FLRT1: variants seen among roughly 807,000 people sequenced by gnomAD.
The protein encoded by FLRT1 is fibronectin leucine rich transmembrane protein 1.
In FLRT1, 14 loss-of-function variants were observed where a neutral mutation model predicts 30.9. That is an observed-to-expected ratio of 0.45 (90% CI 0.30 to 0.71). The LOEUF (loss-of-function observed/expected upper bound fraction) is 0.71, where lower values mean the gene tolerates loss of function less well. Among genes scored for constraint, FLRT1 ranks in the 30% least tolerant of loss-of-function variants. The pLI is 0.08. For missense variants in FLRT1, 737 were observed against 949.2 expected (o/e 0.78, Z 2.94); for synonymous variants, 368 against 430.4 (o/e 0.85, Z 1.80).
At position 64,117,371 on chromosome 11, in the gene FLRT1, C is replaced by G. The variant is rs1565242146; in HGVS notation, c.1104C>G (p.Ile368Met). The change falls in exon 3 of 3, where the codon ATC (isoleucine) becomes ATG (methionine). Residue 368 changes from isoleucine (I) to methionine (M), a missense_variant. By Grantham distance (10) the Ile-to-Met change is conservative (BLOSUM62 1). Coordinates refer to ENST00000682287, the MANE Select transcript of FLRT1 (RefSeq NM_013280.5). The part of the protein sequence containing the change: ...QGPEKVRGMA[I>M]KDITSEMDEC... ...CTGAGAAGGTCCGGGGCATGGCCAT[C>G]AAGGACATTACCAGCGAGATGGACG... The G allele has an allele frequency of 3.1e-6, 5 of 1,613,232 alleles. No individual in the cohort carries two copies. The highest frequency in any genetic ancestry group is 4.2e-6 in the Non-Finnish European group (5 of 1,179,322).
chr11:64,109,066 C>T (rs1944814637), intron 2 of FLRT1, among the ~76,000 whole-genome samples: 1 of 152,170 alleles, frequency 6.6e-6, no homozygotes, highest in African/African-American at 2.4e-5. Context: ...ACTTCCTCTC[C>T]CCGCCTGGCC....
At chr11:64,071,680 T>G (rs1944110161) in intron 1 of FLRT1, among the ~76,000 whole-genome samples, 4 of 152,144 alleles carry the variant, frequency 2.6e-5, no homozygotes, top group Admixed American at 1.3e-4. Flanking sequence ...GCCCCCCAGC[T>G]TGGTGGTTAT....
chr11:64,108,204 G>A (rs1001275819), intron 2 of FLRT1, among the ~76,000 whole-genome samples: 5 of 151,882 alleles, frequency 3.3e-5, no homozygotes, highest in East Asian at 3.9e-4. Flanking sequence ...TCACAGCTAC[G>A]CGGGAGGCTG....
At chr11:64,062,400 G>A (rs1302248913) in intron 1 of FLRT1, among the ~76,000 whole-genome samples, 2 of 152,160 alleles carry the variant, frequency 1.3e-5, no homozygotes, top group African/African-American at 4.8e-5. Flanking sequence ...TCTTATGTCT[G>A]CCTAGCCCTC....
In FLRT1 at chr11:64,040,359, G is replaced by A. The variant is rs368902375; in HGVS notation, c.-1038+4200G>A. On this transcript the variant is annotated intron_variant, in intron 1 of 2. Transcript: ENST00000682287. ...CAGGGACAGAAACAAGGGCCTGGAG[G>A]ACAGGATGGATGGAGAGGGCTGCAT... Among the ~76,000 whole-genome samples the A allele has an allele frequency of 2.0e-5, 3 of 152,174 alleles. No individual in the cohort carries two copies. The East Asian group carries it at 5.8e-4, about 29-fold the overall frequency.
chr11:64,066,460 T>A (rs1033448536), intron 1 of FLRT1, among the ~76,000 whole-genome samples: 1 of 149,972 alleles, frequency 6.7e-6, no homozygotes, highest in East Asian at 2.0e-4. Flanking sequence ...CTACAAAAAA[T>A]TTTAAAAAAT....
chr11:64,047,217 G>A (rs1167403339), intron 1 of FLRT1, among the ~76,000 whole-genome samples: 1 of 152,100 alleles, frequency 6.6e-6, no homozygotes, highest in Non-Finnish European at 1.5e-5. Context: ...GAGAGGTGCT[G>A]CTGAACTGTG....
chr11:64,038,609 C>G (rs1943427346), intron 1 of FLRT1, among the ~76,000 whole-genome samples: 5 of 152,164 alleles, frequency 3.3e-5, no homozygotes, highest in Admixed American at 3.3e-4. Context: ...TCTGCCCAGT[C>G]ATGGGGCTAG....
intron 1 of FLRT1, among the ~76,000 whole-genome samples, chr11:64,065,638 A>C (rs1191766363): frequency 1.3e-5 from 2 of 151,892 alleles, no homozygotes; most frequent in African/African-American, 4.8e-5. Flanking sequence ...AAAATACAAA[A>C]AATTAGCCAG....
intron 1 of FLRT1, among the ~76,000 whole-genome samples, chr11:64,087,374 G>A (rs938181259): frequency 6.6e-6 from 1 of 152,232 alleles, no homozygotes; most frequent in Non-Finnish European, 1.5e-5. Flanking sequence ...TGCCACGGCT[G>A]TAGCCCTGAC....
intron 2 of FLRT1, among the ~76,000 whole-genome samples, chr11:64,106,698 G>A (rs1346764803): frequency 6.6e-6 from 1 of 152,104 alleles, no homozygotes; most frequent in Admixed American, 6.5e-5. Flanking sequence ...TCTCTGCTGT[G>A]GCCCAGGATC....
intron 1 of FLRT1, among the ~76,000 whole-genome samples, chr11:64,050,663 G>A (rs1246339407): frequency 6.6e-6 from 1 of 152,258 alleles, no homozygotes; most frequent in African/African-American, 2.4e-5. Context: ...TTGTCGCCCA[G>A]GCTGGAGTGC....
At chr11:64,059,238 G>A (rs1013259752) in intron 1 of FLRT1, among the ~76,000 whole-genome samples, 2 of 152,200 alleles carry the variant, frequency 1.3e-5, no homozygotes, top group African/African-American at 2.4e-5. Context: ...TCCTCTTGCC[G>A]AGCGGGGAAA....
At chr11:64,041,857 C>T (rs890339395) in intron 1 of FLRT1, among the ~76,000 whole-genome samples, 6 of 152,146 alleles carry the variant, frequency 3.9e-5, no homozygotes, top group Admixed American at 1.3e-4. Context: ...CAGAGGGTCA[C>T]GGGAGTTTCA....
At chr11:64,102,336 G>A (rs933958683) in intron 1 of FLRT1, among the ~76,000 whole-genome samples, 9 of 151,728 alleles carry the variant, frequency 5.9e-5, no homozygotes, top group Non-Finnish European at 1.3e-4. Flanking sequence ...GTGTGGAAGA[G>A]GAGGGCGGCT....
chr11:64,109,870 A>G (rs562997405), intron 2 of FLRT1, among the ~76,000 whole-genome samples: 1 of 152,250 alleles, frequency 6.6e-6, no homozygotes, highest in East Asian at 1.9e-4. Context: ...CCTGTCCGGA[A>G]GGCACAGCAG....
chr11:64,069,807 G>GC (rs1238251384), intron 1 of FLRT1, among the ~76,000 whole-genome samples: 1 of 152,218 alleles, frequency 6.6e-6, no homozygotes, highest in Non-Finnish European at 1.5e-5. Context: ...CGCAGCAGAC[G>GC]CAACAGGCTT....
chr11:64,073,289 G>A lies in FLRT1; in HGVS notation c.-1037-29905G>A, dbSNP rs190495123. ...TGGAGCTGGCTGTGATCAACCGGCT[G>A]TCACTTAACCAGTGTCCTGTGCCCC... On this transcript the variant is annotated intron_variant, in intron 1 of 2. Coordinates refer to ENST00000682287, the MANE Select transcript of FLRT1 (RefSeq NM_013280.5). Among the ~76,000 whole-genome samples the A allele has an allele frequency of 9.8e-5, 15 of 152,326 alleles. 1 individual carries two copies. Among genetic ancestry groups the A allele is most frequent in the Admixed American group, 9.8e-4 (15 of 15,308 alleles).
intron 1 of FLRT1, among the ~76,000 whole-genome samples, chr11:64,041,229 A>AAAAAG (rs1943480307): frequency 7.0e-6 from 1 of 142,566 alleles, no homozygotes; most frequent in South Asian, 2.3e-4. Flanking sequence ...AAAAAAAAAA[A>AAAAAG]GCATGAGCGA....
Sources: gnomAD v4.1 joint callset for allele counts (sites outside exome capture counted in the v4.1 genomes callset) on GRCh38, gnomAD v4.1.1 for gene constraint, MANE v1.5 for transcripts, NCBI Gene and HGNC (gene_info 2026-07-23, HGNC 2026-07-21) for gene names.